The following WRN variants were observed in gnomAD, a reference collection of about 807,000 sequenced individuals.
The protein encoded by WRN is bifunctional 3'-5' exonuclease/ATP-dependent helicase WRN.
A neutral mutation model predicts 180.7 loss-of-function variants in WRN; 149 were observed. The ratio of observed to expected loss-of-function variants is 0.82; its 90% CI spans 0.72 to 0.94. The LOEUF (loss-of-function observed/expected upper bound fraction) is 0.94, where lower values mean the gene tolerates loss of function less well. Among genes scored for constraint, WRN ranks in the 40% least tolerant of loss-of-function variants. The pLI, the probability that WRN is intolerant of heterozygous loss-of-function variation, is 0.00. For synonymous variants in WRN, 548 were observed against 568.9 expected, an observed-to-expected ratio of 0.96 and a Z score of 0.52; for missense variants, 1,661 against 1,700.1, an observed-to-expected ratio of 0.98 and a Z score of 0.40.
chr8:31,062,426 T>A (rs900456860), intron 3 of WRN, among the ~76,000 whole-genome samples: 56 of 149,880 alleles, frequency 3.7e-4, no homozygotes, highest in Admixed American at 8.6e-4. Flanking sequence ...TTTTTTTTTT[T>A]AATAGGGTCT....
At chr8:31,162,780 C>T (rs904646901) in intron 33 of WRN, among the ~76,000 whole-genome samples, 8 of 151,984 alleles carry the variant, frequency 5.3e-5, no homozygotes, top group Non-Finnish European at 7.4e-5. Flanking sequence ...GTTGGCTGCC[C>T]GTCGTTGACT....
chr8:31,125,499 A>G (rs1801883830), intron 23 of WRN, among the ~76,000 whole-genome samples: 1 of 140,760 alleles, frequency 7.1e-6, no homozygotes, highest in Non-Finnish European at 1.5e-5. Flanking sequence ...TGTATCAGTC[A>G]GGGTTCACCA....
At chr8:31,138,256 G>A (rs1287924329) in intron 24 of WRN, among the ~76,000 whole-genome samples, 1 of 151,996 alleles carries the variant, frequency 6.6e-6, no homozygotes, top group Non-Finnish European at 1.5e-5. Context: ...ATAAATCAAA[G>A]AGCTCCAGCA....
At position 31,085,219 on chromosome 8, in the gene WRN, T is replaced by C. The variant is rs770053876; in HGVS notation, c.1404T>C (p.Asp468=). Residue 468 remains aspartate (D), a synonymous_variant, in exon 11 of 35, where the codon GAT becomes GAC. Coordinates refer to ENST00000298139, the MANE Select transcript of WRN (RefSeq NM_000553.6). Reference sequence around the variant, plus strand: ...ATACGTCCTATGTAATTGAGAGTGATGAAGATTTAGAAATGGAGATGCTTA... The same window carrying C: ...ATACGTCCTATGTAATTGAGAGTGACGAAGATTTAGAAATGGAGATGCTTA... ...ENDTSYVIES[D]EDLEMEMLKS... The C allele has an allele frequency of 9.9e-6, 16 of 1,612,942 alleles. No homozygotes were observed. In the South Asian group the frequency reaches 1.5e-4, roughly 16 times the overall value.
intron 3 of WRN, among the ~76,000 whole-genome samples, chr8:31,063,437 A>G (rs745570148): frequency 6.0e-4 from 91 of 152,216 alleles, no homozygotes; most frequent in Non-Finnish European, 1.1e-3. Context: ...ATTCTTAAAC[A>G]TGTCTGTACA....
intron 23 of WRN, among the ~76,000 whole-genome samples, chr8:31,125,382 A>G (rs1166776085): frequency 6.6e-6 from 1 of 150,944 alleles, no homozygotes; most frequent in Non-Finnish European, 1.5e-5. Context: ...ACATTAATCA[A>G]AAGGAAGTTG....
At chr8:31,059,924 C>T (rs554848580) in intron 3 of WRN, among the ~76,000 whole-genome samples, 31 of 152,080 alleles carry the variant, frequency 2.0e-4, no homozygotes, top group Middle Eastern at 3.4e-3. Flanking sequence ...GGTGTGGTGG[C>T]GTGCGCCTGT....
intron 33 of WRN, among the ~76,000 whole-genome samples, chr8:31,163,654 C>T (rs1803725207): frequency 6.6e-6 from 1 of 151,718 alleles, no homozygotes; most frequent in African/African-American, 2.4e-5. Context: ...CTTTAAATAC[C>T]CCTTACCTTT....
In WRN at chr8:31,064,308, G is replaced by T; in HGVS notation, c.229G>T (p.Asp77Tyr). The T allele has an allele frequency of 6.2e-7, 1 of 1,614,048 alleles. No homozygotes were observed. The highest frequency in any genetic ancestry group is 1.1e-5 in the South Asian group (1 of 91,076). ...CTTTAGCATGAGTCTATCAGATGGG[G>T]ATGTGGTGGGATTTGACATGGAGTG... is the stretch of plus-strand genomic sequence containing the variant. Reference protein sequence around the residue: ...EDISMSLSDGDVVGFDMEWPP... With the variant: ...EDISMSLSDGYVVGFDMEWPP... The change falls in exon 4 of 35, where the codon GAT becomes TAT. Residue 77 changes from aspartate (D) to tyrosine (Y), a missense_variant. Around this residue, in one of 3 missense-constraint regions of WRN, gnomAD observed 500 missense variants for 504.1 expected, o/e 0.99. Coordinates refer to ENST00000298139, the MANE Select transcript of WRN (RefSeq NM_000553.6).
chr8:31,160,311 G>A (rs1803562213), intron 33 of WRN, among the ~76,000 whole-genome samples: 1 of 152,292 alleles, frequency 6.6e-6, no homozygotes, highest in East Asian at 1.9e-4. Flanking sequence ...AGCATTTCGT[G>A]AACCTGGTTA....
chr8:31,083,283 A>C (rs1315786984), intron 9 of WRN, among the ~76,000 whole-genome samples: 1 of 152,198 alleles, frequency 6.6e-6, no homozygotes, highest in Non-Finnish European at 1.5e-5. Context: ...AGTTTTTTGC[A>C]ATCTTTTTTA....
At position 31,133,178 on chromosome 8, in the gene WRN, T is replaced by C. The variant is rs192083576; in HGVS notation, c.2967+672T>C. On this transcript the variant is annotated intron_variant, in intron 24 of 34. Coordinates refer to ENST00000298139, the MANE Select transcript of WRN (RefSeq NM_000553.6). ...TCTGTAGTCCTTTCCTTTATATGAT[T>C]TTTTCCCCTGATTTAGAAGTCTATA... 1.8e-4 allele frequency among the ~76,000 whole-genome samples: 28 copies of C among 152,280 alleles called. No homozygotes were observed. In the East Asian group the frequency reaches 5.0e-3, roughly 27 times the overall value.
At chr8:31,089,295 G>T (rs1813654335) in intron 13 of WRN, among the ~76,000 whole-genome samples, 1 of 151,916 alleles carries the variant, frequency 6.6e-6, no homozygotes, top group African/African-American at 2.4e-5. Context: ...CCTGTTTTGT[G>T]TATATTACCC....
chr8:31,175,690 C>G lies in WRN; in HGVS notation c.*2588C>G, dbSNP rs1352236613. On this transcript the variant is annotated 3_prime_UTR_variant, in exon 35 of 35. Transcript: ENST00000298139. ...TTCCAACTACGTGCCTGTGCAAAGTCAGATTTTTTTCATATACTTCAGCCA... is the reference window on the plus strand; with the variant it reads ...TTCCAACTACGTGCCTGTGCAAAGTGAGATTTTTTTCATATACTTCAGCCA... 6.6e-6 allele frequency among the ~76,000 whole-genome samples: 1 copy of G among 152,166 alleles called. No homozygotes were observed. Among genetic ancestry groups the G allele is most frequent in the East Asian group, 1.9e-4 (1 of 5,190 alleles).
chr8:31,146,997 A>T, intron 28 of WRN, 56 bp from the exon 29 acceptor site: 2 of 1,429,954 alleles, frequency 1.4e-6, no homozygotes, highest in Non-Finnish European at 1.9e-6. Context: ...ATGAAATAGA[A>T]AGTCAATGAG....
At chr8:31,154,857 C>T (rs1803317228) in intron 32 of WRN, 102 bp downstream of exon 32, 7 of 1,388,070 alleles carry the variant, frequency 5.0e-6, no homozygotes, top group Non-Finnish European at 7.0e-6. Context: ...TCAATTTCCT[C>T]CAACCCTACA....
chr8:31,101,418 A>C (rs1166623139), intron 18 of WRN, among the ~76,000 whole-genome samples: 1 of 152,150 alleles, frequency 6.6e-6, no homozygotes, highest in Non-Finnish European at 1.5e-5. Flanking sequence ...GAAAACCTAA[A>C]GTTTGAACTA....
At chr8:31,102,070 T>C (rs1424130195) in intron 18 of WRN, among the ~76,000 whole-genome samples, 1 of 152,156 alleles carries the variant, frequency 6.6e-6, no homozygotes, top group Non-Finnish European at 1.5e-5. Flanking sequence ...TTCCTATTTC[T>C]CTAGTTTTGT....
At chr8:31,052,277 A>G (rs1369885525) in intron 1 of WRN, among the ~76,000 whole-genome samples, 1 of 152,268 alleles carries the variant, frequency 6.6e-6, no homozygotes, top group African/African-American at 2.4e-5. Flanking sequence ...ATAGAAAAGT[A>G]TAAAGAACAA....
Sources: allele counts gnomAD v4.1 joint callset (sites outside exome capture counted in the v4.1 genomes callset), GRCh38; gene constraint gnomAD v4.1.1; regional missense constraint gnomAD v4.1.1; transcripts MANE v1.5; gene names NCBI Gene and HGNC (gene_info 2026-07-23, HGNC 2026-07-21).